The following FCRLA variants were observed in gnomAD, a reference collection of about 807,000 sequenced individuals.
The protein encoded by FCRLA is Fc receptor-like A.
A neutral mutation model predicts 28.4 loss-of-function variants in FCRLA; 26 were observed. The ratio of observed to expected loss-of-function variants is 0.91; its 90% CI spans 0.67 to 1.27. The LOEUF (loss-of-function observed/expected upper bound fraction) is 1.27. FCRLA is among the 50% of genes most tolerant of loss of function. FCRLA has a pLI of 0.00. For synonymous variants in FCRLA, 174 were observed against 168.5 expected (o/e 1.03, Z -0.25); for missense variants, 422 against 433.1 (o/e 0.97, Z 0.23).
rs369619169 is a variant in FCRLA at position 161,712,077 on chromosome 1, A to G, written c.643A>G (p.Ile215Val). 22 of 1,614,078 alleles carry G rather than the reference A, an allele frequency of 1.4e-5. No individual in the cohort carries two copies. In the Admixed American group the frequency reaches 3.7e-4, roughly 27 times the overall value. Residue 215 changes from isoleucine (I) to valine (V), a missense_variant, in exon 4 of 5, where the codon ATA (isoleucine) becomes GTA (valine). Ile to Val is a conservative substitution (Grantham distance 29). Coordinates refer to ENST00000236938, the MANE Select transcript of FCRLA (RefSeq NM_032738.4). ...LLFSFYKDGR[I>V]VQSRGLSSEF... ...CTTCTCCTTCTACAAGGATGGAAGG[A>G]TAGTGCAAAGCAGGGGGCTCTCCTC...
intron 2 of FCRLA, 89 bp downstream of exon 2, chr1:161,711,001 T>C (rs12043181): frequency 0.056 from 87,706 of 1,554,622 alleles, 2,629 homozygotes; most frequent in African/African-American, 0.067. Flanking sequence ...GGAAATTGGC[T>C]ATGGGATGAG....
In FCRLA at chr1:161,713,836, A is replaced by C. The variant is rs1190504174; in HGVS notation, c.*456A>C. 1.3e-5 allele frequency: 2 copies of C among 159,294 alleles called. No homozygotes were observed. The highest frequency in any genetic ancestry group is 2.7e-5 in the Non-Finnish European group (2 of 72,950). The allele number at this position is 159,294 out of a possible 1,614,324, so 9.9% of individuals were successfully genotyped here. ...CAGGGGTGCCGCTAAACATCCTATA[A>C]TGCACAGGGCAGTACCCCACAACGA... On this transcript the variant is annotated 3_prime_UTR_variant, in exon 5 of 5. Coordinates refer to ENST00000236938, the MANE Select transcript of FCRLA (RefSeq NM_032738.4).
At chr1:161,710,348 C>A (rs1475524674) in intron 1 of FCRLA, 3 of 822,116 alleles carry the variant, frequency 3.6e-6, no homozygotes, top group Non-Finnish European at 6.1e-6. Flanking sequence ...AAGTTAGATA[C>A]TGCACACAAG....
In FCRLA at chr1:161,713,739, T is replaced by G. The variant is rs1683223505; in HGVS notation, c.*359T>G. The G allele has an allele frequency of 1.1e-5, 2 of 176,768 alleles. No individual in the cohort carries two copies. Among genetic ancestry groups the G allele is most frequent in the African/African-American group, 4.8e-5 (2 of 41,996 alleles). 10.9% of individuals were successfully genotyped at this position (176,768 alleles called of 1,614,324 possible). Reference sequence around the variant, plus strand: ...GGACATTGGGCAATGTTTGGAGACATTTTGGTCATTATACTTGGGGGGTTG... The same window carrying G: ...GGACATTGGGCAATGTTTGGAGACAGTTTGGTCATTATACTTGGGGGGTTG... On this transcript the variant is annotated 3_prime_UTR_variant, in exon 5 of 5. Transcript: ENST00000236938.
chr1:161,708,396 CTA>C (rs1227268724), intron 1 of FCRLA, among the ~76,000 whole-genome samples: 4 of 152,238 alleles, frequency 2.6e-5, no homozygotes, highest in African/African-American at 9.6e-5. Context: ...CCCTCATCCT[CTA>C]TGACTTGGGC....
chr1:161,710,454 G>T, intron 1 of FCRLA: 1 of 1,550,140 alleles, frequency 6.5e-7, no homozygotes, highest in Non-Finnish European at 8.7e-7. Flanking sequence ...CATTGTCTTT[G>T]CTCCTGGTTT....
chr1:161,709,591 G>A (rs1174602959), intron 1 of FCRLA, among the ~76,000 whole-genome samples: 2 of 152,144 alleles, frequency 1.3e-5, no homozygotes, highest in African/African-American at 4.8e-5. Flanking sequence ...AGTAGGGAGG[G>A]GTCTTGGTAA....
chr1:161,710,632 AAAG>A lies in FCRLA; in HGVS notation c.80-127_80-125del. On this transcript the variant is annotated intron_variant, in intron 1 of 4. Coordinates refer to ENST00000236938, the MANE Select transcript of FCRLA (RefSeq NM_032738.4). ...TCTCAGGGGTCTTTCCGAAAAAAAA[AAAG>A]GTTTTGATGTCTTACTAGTCTCATT... is the stretch of plus-strand genomic sequence containing the variant. 6 of 1,457,088 alleles carry A rather than the reference AAAG, an allele frequency of 4.1e-6. No individual in the cohort carries two copies. The South Asian group carries it at 6.0e-5, about 15-fold the overall frequency. 90.3% of individuals were successfully genotyped at this position (1,457,088 alleles called of 1,614,324 possible). A position where few individuals can be genotyped will look rare whatever the true frequency, so the allele number is the denominator to read the frequency against.
At chr1:161,710,385 A>T in intron 1 of FCRLA, 1 of 1,234,420 alleles carries the variant, frequency 8.1e-7, no homozygotes, top group Non-Finnish European at 1.2e-6. Context: ...CACCCAGTGA[A>T]CATTAGAATC....
At chr1:161,710,962 C>T (rs747253693) in intron 2 of FCRLA, 50 bp downstream of exon 2, 3 of 1,603,190 alleles carry the variant, frequency 1.9e-6, no homozygotes, top group South Asian at 1.1e-5. Flanking sequence ...TTCTTTCAGC[C>T]TCAGAGCCCA....
rs548608910 is a variant in FCRLA, at chr1:161,712,629, G to A, written c.784+411G>A. Reference sequence around the variant, plus strand: ...CAGAAGAGGTGTCCAGGGTGATAAGGGGGCTTAAAGTCATGTCATATGAAA... The same window carrying A: ...CAGAAGAGGTGTCCAGGGTGATAAGAGGGCTTAAAGTCATGTCATATGAAA... On this transcript the variant is annotated intron_variant, in intron 4 of 4. Transcript: ENST00000236938. 2.6e-5 allele frequency among the ~76,000 whole-genome samples: 4 copies of A among 152,292 alleles called. No homozygotes were observed. The South Asian group carries it at 6.2e-4, about 24-fold the overall frequency.
chr1:161,711,099 G>A, intron 2 of FCRLA, 109 bp from the exon 3 acceptor site: 3 of 1,484,122 alleles, frequency 2.0e-6, no homozygotes, highest in Non-Finnish European at 2.7e-6. Context: ...CCCAACCAGG[G>A]GTGAGAGTTT....
Position 161,707,250 on chromosome 1 carries a change from C to CT in FCRLA, c.-14dup. Reference sequence around the variant, plus strand: ...AATCAGTGTTGGGGTTGCAGGAGACCTAAACACAGTCACCATGAAGCTGGG... The same window carrying CT: ...AATCAGTGTTGGGGTTGCAGGAGACCTTAAACACAGTCACCATGAAGCTGGG... On this transcript the variant is annotated 5_prime_UTR_variant, in exon 1 of 5. Coordinates refer to ENST00000236938, the MANE Select transcript of FCRLA (RefSeq NM_032738.4). 1 of 1,614,046 alleles carries CT rather than the reference C, an allele frequency of 6.2e-7. No individual in the cohort carries two copies. The highest frequency in any genetic ancestry group is 8.5e-7 in the Non-Finnish European group (1 of 1,179,958).
intron 1 of FCRLA, among the ~76,000 whole-genome samples, chr1:161,709,260 TG>T (rs1182203321): frequency 1.2e-4 from 19 of 152,110 alleles, no homozygotes; most frequent in Admixed American, 1.2e-3. Context: ...CCCAAGTAGC[TG>T]GGACCACAGG....
At chr1:161,711,579 A>C in intron 3 of FCRLA, 105 bp downstream of exon 3, 2 of 1,420,044 alleles carry the variant, frequency 1.4e-6, no homozygotes, top group Non-Finnish European at 1.9e-6. Flanking sequence ...TCAACAGACT[A>C]TGGAGCAGGT....
chr1:161,707,488 T>C, intron 1 of FCRLA, 145 bp downstream of exon 1: 2 of 888,390 alleles, frequency 2.3e-6, no homozygotes, highest in Non-Finnish European at 3.3e-6. Context: ...TATAAGAAAG[T>C]TTGGTGTACA....
At chr1:161,710,612 G>C in intron 1 of FCRLA, 148 bp from the exon 2 acceptor site, 3 of 1,405,756 alleles carry the variant, frequency 2.1e-6, no homozygotes, top group East Asian at 2.5e-5. Flanking sequence ...GACACTCTCA[G>C]GGGTCTTTCC....
At position 161,713,080 on chromosome 1, in the gene FCRLA, T is replaced by C; in HGVS notation, c.785-5T>C. 1 of 1,609,554 alleles carries C rather than the reference T, an allele frequency of 6.2e-7. No homozygotes were observed. Among genetic ancestry groups the C allele is most frequent in the South Asian group, 1.1e-5 (1 of 90,576 alleles). On this transcript the variant is annotated splice_polypyrimidine_tract_variant and splice_region_variant and intron_variant, in intron 4 of 4. Transcript: ENST00000236938. Reference sequence around the variant, plus strand: ...CTTGTATGTGCCTCCTGCCCCATAATTCAGGTGCTTCCAGCTCTGCTGCAC... The same window carrying C: ...CTTGTATGTGCCTCCTGCCCCATAACTCAGGTGCTTCCAGCTCTGCTGCAC...
chr1:161,710,647 T>TTAC, intron 1 of FCRLA, 113 bp from the exon 2 acceptor site: 1 of 1,471,078 alleles, frequency 6.8e-7, no homozygotes. Context: ...TTTTGATGTC[T>TTAC]TACTAGTCTC....
Sources: allele counts gnomAD v4.1 joint callset (sites outside exome capture counted in the v4.1 genomes callset), GRCh38; gene constraint gnomAD v4.1.1; transcripts MANE v1.5; gene names NCBI Gene and HGNC (gene_info 2026-07-23, HGNC 2026-07-21).